The following SLC6A4 variants were observed in gnomAD, a reference collection of about 807,000 sequenced individuals.
The protein encoded by SLC6A4 is solute carrier family 6 member 4.
In SLC6A4, 22 loss-of-function variants were observed where a neutral mutation model predicts 73.4. The ratio of observed to expected loss-of-function variants is 0.30; its 90% CI spans 0.21 to 0.43. SLC6A4 has a LOEUF of 0.43. SLC6A4 is among the 20% of genes least tolerant of loss of function. The pLI, the probability that SLC6A4 is intolerant of heterozygous loss-of-function variation, is 1.00. For synonymous variants in SLC6A4, 270 were observed against 315.5 expected (o/e 0.86, Z 1.53); for missense variants, 593 against 808.5 (o/e 0.73, Z 3.23).
chr17:30,225,289 G>A (rs917764542), intron 1 of SLC6A4, among the ~76,000 whole-genome samples: 2 of 152,054 alleles, frequency 1.3e-5, no homozygotes, highest in South Asian at 4.2e-4. Flanking sequence ...GTGACTAATC[G>A]GGTCTGCCAG....
rs1409027520 is a variant in SLC6A4, at chr17:30,196,503, A to G, written c.*1953T>C. On this transcript the variant is annotated 3_prime_UTR_variant, in exon 15 of 15. Coordinates refer to ENST00000650711, the MANE Select transcript of SLC6A4 (RefSeq NM_001045.6). The stretch of plus-strand genomic sequence containing the variant: ...TAGTATATTTGAACAATGTCTAAGT[A>G]TGTGGGGTGGGGAGAATCCATATCC... 3 of 152,328 alleles carry G rather than the reference A, an allele frequency of 2.0e-5. No individual in the cohort carries two copies. Among genetic ancestry groups the G allele is most frequent in the Non-Finnish European group, 4.4e-5 (3 of 68,042 alleles). The allele number at this position is 152,328 out of a possible 1,614,324, so 9.4% of individuals were successfully genotyped here.
chr17:30,221,904 C>T lies in SLC6A4; in HGVS notation c.55G>A (p.Glu19Lys). Residue 19 changes from glutamate to lysine, a missense_variant, in exon 3 of 15, where the codon GAA (glutamate) becomes AAA (lysine). By Grantham distance (56) the Glu-to-Lys change is moderately conservative (BLOSUM62 1). Transcript: ENST00000650711. ...AGAACTCCGTTTTCCTGACAATCTTCTCCATCTTCACACGCTGATAGCTGC... is the reference window on the plus strand; with the variant it reads ...AGAACTCCGTTTTCCTGACAATCTTTTCCATCTTCACACGCTGATAGCTGC... ...QKQLSACEDG[E>K]DCQENGVLQK... The T allele has an allele frequency of 6.2e-7, 1 of 1,614,182 alleles. No homozygotes were observed. Among genetic ancestry groups the T allele is most frequent in the African/African-American group, 1.3e-5 (1 of 75,028 alleles).
chr17:30,198,344 CA>C lies in SLC6A4; in HGVS notation c.*111del. On this transcript the variant is annotated 3_prime_UTR_variant, in exon 15 of 15. Transcript: ENST00000650711. ...TGTGTCCCTGTGGAGAAGGCCCTTC[CA>C]TCATCAGGCTTAGCTGGAAACTCAT... The C allele has an allele frequency of 1.5e-6, 1 of 650,864 alleles. No individual in the cohort carries two copies. Among genetic ancestry groups the C allele is most frequent in the Non-Finnish European group, 2.8e-6 (1 of 363,510 alleles). The allele number at this position is 650,864 out of a possible 1,614,324, so 40.3% of individuals were successfully genotyped here.
intron 14 of SLC6A4, among the ~76,000 whole-genome samples, chr17:30,201,254 T>C (rs1906023973): frequency 6.6e-6 from 1 of 152,160 alleles, no homozygotes; most frequent in African/African-American, 2.4e-5. Flanking sequence ...CCAGATAAGA[T>C]GAGTACCTGC....
At chr17:30,207,589 C>G (rs1906247509) in intron 13 of SLC6A4, 143 bp downstream of exon 13, 1 of 575,456 alleles carries the variant, frequency 1.7e-6, no homozygotes, top group African/African-American at 1.9e-5. Context: ...CGGGGTTTTG[C>G]CATGTTGGCC....
At position 30,216,084 on chromosome 17, in the gene SLC6A4, CT is replaced by C. The variant is rs1349574840; in HGVS notation, c.969del (p.Val325CysfsTer3). The C allele has an allele frequency of 6.2e-7, 1 of 1,613,020 alleles. No individual in the cohort carries two copies. The highest frequency in any genetic ancestry group is 8.5e-7 in the Non-Finnish European group (1 of 1,179,570). ...ACATATTTCCCTCATCATCTTACCC[CT>C]GTCTCCAGGAGTTTCTGCCAATTGG... ...LKPNWQKLLE[T>X]GVWIDAAAQI... On this transcript the variant is annotated frameshift_variant, in exon 7 of 15. Coordinates refer to ENST00000650711, the MANE Select transcript of SLC6A4 (RefSeq NM_001045.6). LOFTEE classifies it high-confidence loss of function.
At chr17:30,209,635 ACT>A (rs1273977336) in intron 11 of SLC6A4, among the ~76,000 whole-genome samples, 4 of 141,008 alleles carry the variant, frequency 2.8e-5, no homozygotes, top group African/African-American at 1.1e-4. Context: ...ACAGAGCAAG[ACT>A]CTGTCCAAAA....
At chr17:30,217,450 G>C (rs755714310) in intron 5 of SLC6A4, 146 bp from the exon 6 acceptor site, 1 of 745,752 alleles carries the variant, frequency 1.3e-6, no homozygotes, top group South Asian at 1.9e-5. Context: ...GAAGAGCTGG[G>C]ATTGGCCCTG....
At chr17:30,209,818 T>C (rs1906327857) in intron 11 of SLC6A4, among the ~76,000 whole-genome samples, 1 of 152,154 alleles carries the variant, frequency 6.6e-6, no homozygotes, top group Non-Finnish European at 1.5e-5. Context: ...CCTTGGGATC[T>C]ATTTTAAACT....
intron 8 of SLC6A4, among the ~76,000 whole-genome samples, chr17:30,214,347 G>A (rs1380193115): frequency 1.6e-4 from 24 of 149,354 alleles, no homozygotes; most frequent in African/African-American, 3.5e-4. Context: ...GCTTGAACCC[G>A]GGAGGCAGAG....
At chr17:30,207,904 T>A in intron 12 of SLC6A4, 72 bp from the exon 13 acceptor site, 1 of 1,107,412 alleles carries the variant, frequency 9.0e-7, no homozygotes, top group Non-Finnish European at 1.3e-6. Flanking sequence ...GCCCTGATTC[T>A]CTGGGAGAGT....
In SLC6A4 at chr17:30,213,286, A is replaced by G. The variant is rs1906444450; in HGVS notation, c.1077-419T>C. 2.0e-5 allele frequency among the ~76,000 whole-genome samples: 3 copies of G among 146,612 alleles called. No individual in the cohort carries two copies. The Admixed American group carries it at 2.0e-4, about 10-fold the overall frequency. ...GTCACAGACTGCCAGCCAGAGAGAT[A>G]CCCTCATTTTTTTTTCTTTTTTTTT... On this transcript the variant is annotated intron_variant, in intron 8 of 14. Transcript: ENST00000650711.
chr17:30,222,297 G>T (rs1906790794), intron 2 of SLC6A4, among the ~76,000 whole-genome samples: 1 of 152,160 alleles, frequency 6.6e-6, no homozygotes, highest in Non-Finnish European at 1.5e-5. Flanking sequence ...AATTTCAAAA[G>T]GAAACAATAA....
At chr17:30,224,910 T>C (rs1413385110) in intron 1 of SLC6A4, among the ~76,000 whole-genome samples, 2 of 152,226 alleles carry the variant, frequency 1.3e-5, no homozygotes, top group Admixed American at 1.3e-4. Context: ...GCAACTATGG[T>C]AAGCAGCTCC....
At position 30,196,745 on chromosome 17, in the gene SLC6A4, A is replaced by C. The variant is rs148161001; in HGVS notation, c.*1711T>G. 6.6e-6 allele frequency: 1 copy of C among 152,350 alleles called. No individual in the cohort carries two copies. The highest frequency in any genetic ancestry group is 2.4e-5 in the African/African-American group (1 of 41,444). 9.4% of individuals were successfully genotyped at this position (152,350 alleles called of 1,614,324 possible). On this transcript the variant is annotated 3_prime_UTR_variant, in exon 15 of 15. Transcript: ENST00000650711. ...GATAATGGAGTTAGGTCAGTGAGGG[A>C]TATTTCCTAAATTCCCCACTTCTTT...
chr17:30,198,627 C>A, intron 14 of SLC6A4, 97 bp from the exon 15 acceptor site: 2 of 673,792 alleles, frequency 3.0e-6, no homozygotes, highest in South Asian at 3.7e-5. Flanking sequence ...TTAAATAACA[C>A]TTTAATAACA....
At chr17:30,230,859 T>C (rs1023114082) in intron 1 of SLC6A4, among the ~76,000 whole-genome samples, 2 of 152,104 alleles carry the variant, frequency 1.3e-5, no homozygotes, top group African/African-American at 4.8e-5. Flanking sequence ...CTGTTGCTGC[T>C]CAAAGGTGCC....
chr17:30,207,046 A>G (rs1257529425), intron 13 of SLC6A4, among the ~76,000 whole-genome samples: 1 of 152,036 alleles, frequency 6.6e-6, no homozygotes, highest in African/African-American at 2.4e-5. Context: ...CAGAACTATA[A>G]CCACTTCATA....
chr17:30,202,412 A>G (rs1906067446), intron 14 of SLC6A4, among the ~76,000 whole-genome samples: 1 of 152,192 alleles, frequency 6.6e-6, no homozygotes, highest in Admixed American at 6.5e-5. Flanking sequence ...GGTGTGAGCC[A>G]CTGTGCCCAG....
Sources: allele counts gnomAD v4.1 joint callset (sites outside exome capture counted in the v4.1 genomes callset), GRCh38; gene constraint gnomAD v4.1.1; transcripts MANE v1.5; gene names NCBI Gene and HGNC (gene_info 2026-07-23, HGNC 2026-07-21).